The following CD2AP variants were observed in gnomAD, a reference collection of about 807,000 sequenced individuals.
The protein encoded by CD2AP is CD2 associated protein, also known as CD2-associated protein.
A neutral mutation model predicts 85.1 loss-of-function variants in CD2AP; 46 were observed. That is an observed-to-expected ratio of 0.54 (90% CI 0.43 to 0.69). The LOEUF (loss-of-function observed/expected upper bound fraction) is 0.69. Among genes scored for constraint, CD2AP ranks in the 30% least tolerant of loss-of-function variants. The probability of loss-of-function intolerance (pLI) is 0.00; values close to 1 mark genes in which losing one functional copy is unlikely to be tolerated. For missense variants in CD2AP, 769 were observed against 729.5 expected, an observed-to-expected ratio of 1.05 and a Z score of -0.62; for synonymous variants, 255 against 252.9, an observed-to-expected ratio of 1.01 and a Z score of -0.08.
chr6:47,481,504 C>T (rs946352719), intron 1 of CD2AP, among the ~76,000 whole-genome samples: 1 of 152,138 alleles, frequency 6.6e-6, no homozygotes, highest in African/African-American at 2.4e-5. Context: ...TGCCACCATG[C>T]CCAGCTAATT....
intron 2 of CD2AP, among the ~76,000 whole-genome samples, chr6:47,532,153 TGAAATA>T (rs1766898943): frequency 6.6e-6 from 1 of 152,044 alleles, no homozygotes; most frequent in African/African-American, 2.4e-5. Context: ...TTTATAAACT[TGAAATA>T]GAAATATTCT....
intron 5 of CD2AP, among the ~76,000 whole-genome samples, chr6:47,569,878 G>A (rs1435392920): frequency 6.6e-6 from 1 of 152,168 alleles, no homozygotes; most frequent in African/African-American, 2.4e-5. Context: ...GAGCAGCTTT[G>A]CAAGGAAACT....
At chr6:47,576,928 T>G in intron 7 of CD2AP, 81 bp from the exon 8 acceptor site, 2 of 830,964 alleles carry the variant, frequency 2.4e-6, no homozygotes, top group Non-Finnish European at 4.2e-6. Flanking sequence ...TTAGTATACT[T>G]TACACAAGAT....
chr6:47,478,149 G>T lies in CD2AP; in HGVS notation c.-96G>T. ...TCAGGAGGGGCTAGCGCGGAGCGCG[G>T]GTCCCGCCTCCAGCCGCGGGAGCGG... On this transcript the variant is annotated 5_prime_UTR_variant, in exon 1 of 18. Transcript: ENST00000359314. The T allele has an allele frequency of 6.8e-7, 1 of 1,480,052 alleles. No individual in the cohort carries two copies. The highest frequency in any genetic ancestry group is 1.2e-5 in the South Asian group (1 of 82,540). 91.7% of individuals were successfully genotyped at this position (1,480,052 alleles called of 1,614,324 possible). A position where few individuals can be genotyped will look rare whatever the true frequency, so the allele number is the denominator to read the frequency against.
chr6:47,494,868 A>C (rs981076877), intron 1 of CD2AP, among the ~76,000 whole-genome samples: 1 of 152,314 alleles, frequency 6.6e-6, no homozygotes. Flanking sequence ...CATTATTTAG[A>C]AATAGTTGGC....
Position 47,477,974 on chromosome 6 carries a change from C to CGG in CD2AP, c.-268_-267dup. On this transcript the variant is annotated 5_prime_UTR_variant, in exon 1 of 18. Coordinates refer to ENST00000359314, the MANE Select transcript of CD2AP (RefSeq NM_012120.3). The stretch of plus-strand genomic sequence containing the variant: ...GGTGGGAAAACCGCGGTCGGGCGGG[C>CGG]GGGGTAGGGCCCTCCCGCCGCCGTG... 1.9e-6 allele frequency: 1 copy of CGG among 525,572 alleles called. No homozygotes were observed. 32.6% of individuals were successfully genotyped at this position (525,572 alleles called of 1,614,324 possible).
chr6:47,496,556 A>G (rs549487575), intron 1 of CD2AP, among the ~76,000 whole-genome samples: 1 of 152,364 alleles, frequency 6.6e-6, no homozygotes, highest in Non-Finnish European at 1.5e-5. Flanking sequence ...ATGTGGTGCT[A>G]TAAACATTTT....
At chr6:47,612,448 A>G in intron 16 of CD2AP, 25 bp from the exon 17 acceptor site, 1 of 1,464,016 alleles carries the variant, frequency 6.8e-7, no homozygotes, top group Non-Finnish European at 9.6e-7. Context: ...GAAAGACTTA[A>G]CAGTAATAAG....
intron 2 of CD2AP, among the ~76,000 whole-genome samples, chr6:47,510,441 A>G (rs975074098): frequency 2.0e-5 from 3 of 152,164 alleles, no homozygotes; most frequent in African/African-American, 7.2e-5. Context: ...TGAAGATACA[A>G]GATAAGCCTG....
chr6:47,581,595 G>A (rs890842530), intron 10 of CD2AP, among the ~76,000 whole-genome samples: 1 of 152,156 alleles, frequency 6.6e-6, no homozygotes. Flanking sequence ...ACTCTTCAAT[G>A]TGGTAGCCAC....
chr6:47,577,039 A>G lies in CD2AP; in HGVS notation c.839A>G (p.Tyr280Cys), dbSNP rs765702919. 1.5e-4 allele frequency: 222 copies of G among 1,522,212 alleles called. No individual in the cohort carries two copies. The highest frequency in any genetic ancestry group is 2.0e-4 in the Non-Finnish European group (215 of 1,096,632). The allele number at this position is 1,522,212 out of a possible 1,614,324, so 94.3% of individuals were successfully genotyped here. A position where few individuals can be genotyped will look rare whatever the true frequency, so the allele number is the denominator to read the frequency against. Reference protein sequence around the residue: ...AKEYCRTLFAYEGTNEDELTF... With the variant: ...AKEYCRTLFACEGTNEDELTF... ...GAATATTGTAGAACATTATTTGCCT[A>G]TGAAGGTACTAATGAAGATGAACTT... Residue 280 changes from tyrosine (Y) to cysteine (C), a missense_variant, in exon 8 of 18, where the codon TAT (tyrosine) becomes TGT (cysteine). By Grantham distance (194) the Tyr-to-Cys change is radical. Coordinates refer to ENST00000359314, the MANE Select transcript of CD2AP (RefSeq NM_012120.3).
At chr6:47,585,040 T>C (rs1486214830) in intron 11 of CD2AP, among the ~76,000 whole-genome samples, 1 of 151,948 alleles carries the variant, frequency 6.6e-6, no homozygotes, top group Non-Finnish European at 1.5e-5. Flanking sequence ...ACGCCTGTAA[T>C]CCCAGCACTT....
intron 2 of CD2AP, among the ~76,000 whole-genome samples, chr6:47,506,793 CGGAGGGAGAGGGAGAG>C (rs1766181131): frequency 7.5e-6 from 1 of 133,560 alleles, no homozygotes; most frequent in Non-Finnish European, 1.6e-5. Context: ...GAGAGGGAGA[CGGAGGGAGAGGGAGAG>C]GGAGAGGGAG....
chr6:47,606,150 A>T lies in CD2AP; in HGVS notation c.1418-15A>T. On this transcript the variant is annotated splice_polypyrimidine_tract_variant and intron_variant, in intron 13 of 17. Transcript: ENST00000359314. Reference sequence around the variant, plus strand: ...ACAGTTCTCTTAGTAAATAATGTTTATTTTTATTTTCTAGATGTTGTAAAT... The same window carrying T: ...ACAGTTCTCTTAGTAAATAATGTTTTTTTTTATTTTCTAGATGTTGTAAAT... 3.0e-6 allele frequency: 4 copies of T among 1,331,596 alleles called. No individual in the cohort carries two copies. Among genetic ancestry groups the T allele is most frequent in the Non-Finnish European group, 4.3e-6 (4 of 923,838 alleles). The allele number at this position is 1,331,596 out of a possible 1,614,324, so 82.5% of individuals were successfully genotyped here.
At chr6:47,581,267 C>T (rs1267255338) in intron 10 of CD2AP, among the ~76,000 whole-genome samples, 1 of 152,042 alleles carries the variant, frequency 6.6e-6, no homozygotes, top group Non-Finnish European at 1.5e-5. Flanking sequence ...CTCTTCTTTT[C>T]AGGGAATATG....
chr6:47,495,847 T>C (rs1368171212), intron 1 of CD2AP, among the ~76,000 whole-genome samples: 1 of 152,206 alleles, frequency 6.6e-6, no homozygotes, highest in East Asian at 1.9e-4. Flanking sequence ...TTTTCTGTTA[T>C]TTTAGTGATC....
At chr6:47,622,658 A>G (rs1010788809) in intron 17 of CD2AP, among the ~76,000 whole-genome samples, 1 of 152,120 alleles carries the variant, frequency 6.6e-6, no homozygotes, top group African/African-American at 2.4e-5. Flanking sequence ...TCCCTTTCTC[A>G]CTTCCGCAGT....
intron 2 of CD2AP, among the ~76,000 whole-genome samples, chr6:47,524,301 C>T (rs1352028): frequency 0.32 from 48,237 of 151,902 alleles, 8,730 homozygotes; most frequent in Middle Eastern, 0.52. Context: ...CTCCTTGGAC[C>T]CAGCACGACT....
At chr6:47,537,188 AC>A (rs1274661631) in intron 3 of CD2AP, among the ~76,000 whole-genome samples, 1 of 152,100 alleles carries the variant, frequency 6.6e-6, no homozygotes, top group Non-Finnish European at 1.5e-5. Context: ...CTCCCATAAA[AC>A]CTTTGGGTAG....
Sources: gnomAD v4.1 joint callset for allele counts (sites outside exome capture counted in the v4.1 genomes callset) on GRCh38, gnomAD v4.1.1 for gene constraint, MANE v1.5 for transcripts, NCBI Gene and HGNC (gene_info 2026-07-23, HGNC 2026-07-21) for gene names.